NEMP2: variants seen among roughly 807,000 people sequenced by gnomAD.
NEMP2 encodes UPF0571 transmembrane protein.
Under a neutral mutation model 54.2 loss-of-function variants are expected in NEMP2, and 53 were observed. The observed-to-expected ratio is 0.98, with a 90% CI of 0.78 to 1.23. The LOEUF (loss-of-function observed/expected upper bound fraction) is 1.23, where lower values mean the gene tolerates loss of function less well. Among genes scored for constraint, NEMP2 ranks in the 50% most tolerant of loss-of-function variants. NEMP2 has a pLI of 0.00. For missense variants in NEMP2, 455 were observed against 511.3 expected (o/e 0.89, Z 1.06); for synonymous variants, 197 against 190.3 (o/e 1.04, Z -0.29).
chr2:190,465,058 T>A, the NEMP2 span: 15 of 316,996 alleles, frequency 4.7e-5, 1 homozygote, highest in Non-Finnish European at 6.9e-5. The surrounding 1 kb of genome is among the most constrained non-coding windows in gnomAD (Gnocchi z 4.6). Flanking sequence ...AATACCAGTT[T>A]TATTATAAGA....
chr2:190,566,368 C>T, the NEMP2 span, among the ~76,000 whole-genome samples: 2 of 152,078 alleles, frequency 1.3e-5, no homozygotes, highest in Non-Finnish European at 2.9e-5. Flanking sequence ...CCTGTAATCC[C>T]AGCACTTTGG....
chr2:190,443,743 T>A, the NEMP2 span, among the ~76,000 whole-genome samples: 9 of 152,338 alleles, frequency 5.9e-5, no homozygotes, highest in Admixed American at 5.2e-4. The surrounding 1 kb of genome is among the most constrained non-coding windows in gnomAD (Gnocchi z 4.2). Flanking sequence ...TTTGCTCTTA[T>A]AAACAAAGGT....
At chr2:190,567,884 C>T in the NEMP2 span, among the ~76,000 whole-genome samples, 13 of 152,166 alleles carry the variant, frequency 8.5e-5, no homozygotes, top group African/African-American at 2.2e-4. This position sits in a 1 kb window ranked among gnomAD's most constrained non-coding sequence, Gnocchi z 4.0. Context: ...CTTGACCTTG[C>T]GATTCGCCCG....
rs890104468 is a variant in NEMP2 at position 190,522,532 on chromosome 2, G to A, written c.213+2731C>T. On this transcript the variant is annotated intron_variant, in intron 2 of 8. Transcript: ENST00000409150. This position sits in a 1 kb window ranked among gnomAD's most constrained non-coding sequence, Gnocchi z 5.0. ...ACTATCTGAATGAAACCCTGTTCTC[G>A]GCCAGGGCACTCCAAAGTTAACCTG... Among the ~76,000 whole-genome samples the A allele has an allele frequency of 1.3e-5, 2 of 151,964 alleles. No individual in the cohort carries two copies. Among genetic ancestry groups the A allele is most frequent in the Non-Finnish European group, 2.9e-5 (2 of 67,996 alleles).
At chr2:190,504,136 AGT>A (rs1393711334), downstream of NEMP2, among the ~76,000 whole-genome samples, 7 of 152,196 alleles carry the variant, frequency 4.6e-5, no homozygotes, top group East Asian at 1.2e-3. The surrounding 1 kb of genome is among the most constrained non-coding windows in gnomAD (Gnocchi z 5.6). Flanking sequence ...CAGCTCTGCC[AGT>A]GAGAACTTAC....
At chr2:190,488,716 CCT>C in the NEMP2 span, 1 of 1,608,302 alleles carries the variant, frequency 6.2e-7, no homozygotes, top group Non-Finnish European at 8.5e-7. This position sits in a 1 kb window ranked among gnomAD's most constrained non-coding sequence, Gnocchi z 6.4. Context: ...AGCCGTTCCC[CCT>C]GAGCTGAGGA....
At chr2:190,596,675 A>T in the NEMP2 span, among the ~76,000 whole-genome samples, 138 of 152,306 alleles carry the variant, frequency 9.1e-4, 1 homozygote, top group Non-Finnish European at 1.4e-3. The surrounding 1 kb of genome is among the most constrained non-coding windows in gnomAD (Gnocchi z 5.1). Flanking sequence ...GGTGAATATT[A>T]TTGGAAGGAA....
rs970707283 is a variant in NEMP2 at position 190,507,737 on chromosome 2, A to G, written c.*1452T>C. ...ACTTCAAAGAGGAACTATCATTTGAAAATCAATCTAGGAAGTTCCAGATGG... is the reference window on the plus strand; with the variant it reads ...ACTTCAAAGAGGAACTATCATTTGAGAATCAATCTAGGAAGTTCCAGATGG... On this transcript the variant is annotated 3_prime_UTR_variant, in exon 9 of 9. Transcript: ENST00000409150. This position sits in a 1 kb window ranked among gnomAD's most constrained non-coding sequence, Gnocchi z 4.4. The G allele has an allele frequency of 6.6e-6, 1 of 152,144 alleles. No homozygotes were observed. The highest frequency in any genetic ancestry group is 6.5e-5 in the Admixed American group (1 of 15,268). 9.4% of individuals were successfully genotyped at this position (152,144 alleles called of 1,614,324 possible).
chr2:190,563,241 C>T, the NEMP2 span, among the ~76,000 whole-genome samples: 6 of 152,208 alleles, frequency 3.9e-5, no homozygotes, highest in Non-Finnish European at 8.8e-5. This position sits in a 1 kb window ranked among gnomAD's most constrained non-coding sequence, Gnocchi z 4.3. Context: ...CCTCCTGCTC[C>T]CCGCTGACTC....
chr2:190,471,561 T>A, the NEMP2 span, among the ~76,000 whole-genome samples: 1 of 152,286 alleles, frequency 6.6e-6, no homozygotes, highest in South Asian at 2.1e-4. The surrounding 1 kb of genome is among the most constrained non-coding windows in gnomAD (Gnocchi z 4.7). Flanking sequence ...CCGCCATTGC[T>A]GAGGCTTGAG....
the NEMP2 span, chr2:190,648,080 T>C: frequency 6.6e-6 from 1 of 152,264 alleles, no homozygotes; most frequent in Non-Finnish European, 1.5e-5. Context: ...AATTCTATAT[T>C]GTGCCTTGGG....
chr2:190,621,681 G>A, the NEMP2 span, among the ~76,000 whole-genome samples: 238 of 152,024 alleles, frequency 1.6e-3, 1 homozygote, highest in African/African-American at 5.6e-3. Context: ...GTGCAGTAGT[G>A]GCATAAGTAT....
At chr2:190,566,355 A>G in the NEMP2 span, among the ~76,000 whole-genome samples, 1 of 152,200 alleles carries the variant, frequency 6.6e-6, no homozygotes, top group African/African-American at 2.4e-5. Flanking sequence ...ACAGTGGATC[A>G]TGCCTGTAAT....
At position 190,532,638 on chromosome 2, in the gene NEMP2, G is replaced by T. The variant is rs559166466; in HGVS notation, c.97+1921C>A. Among the ~76,000 whole-genome samples the T allele has an allele frequency of 7.2e-5, 11 of 152,298 alleles. No homozygotes were observed. The South Asian group carries it at 2.3e-3, about 32-fold the overall frequency. On this transcript the variant is annotated intron_variant, in intron 1 of 8. Coordinates refer to ENST00000409150, the MANE Select transcript of NEMP2 (RefSeq NM_001142645.2). Reference sequence around the variant, plus strand: ...TGGTCTGAATGTTCTCCATTCCATTGAAGTGTGTGTTATTCAAGACAAAAT... The same window carrying T: ...TGGTCTGAATGTTCTCCATTCCATTTAAGTGTGTGTTATTCAAGACAAAAT...
At chr2:190,590,201 T>C in the NEMP2 span, among the ~76,000 whole-genome samples, 2 of 152,224 alleles carry the variant, frequency 1.3e-5, no homozygotes, top group Non-Finnish European at 2.9e-5. The surrounding 1 kb of genome is among the most constrained non-coding windows in gnomAD (Gnocchi z 5.1). Flanking sequence ...CAATGGCAGA[T>C]TGACATTTGA....
At chr2:190,534,773 A>G (rs1691310692), upstream of NEMP2, 2 of 725,674 alleles carry the variant, frequency 2.8e-6, no homozygotes, top group Admixed American at 8.8e-5. Flanking sequence ...CGAACGCGGG[A>G]AAGGCGGAGA....
chr2:190,439,563 G>C, the NEMP2 span, among the ~76,000 whole-genome samples: 27 of 152,194 alleles, frequency 1.8e-4, no homozygotes, highest in African/African-American at 6.3e-4. This position sits in a 1 kb window ranked among gnomAD's most constrained non-coding sequence, Gnocchi z 5.8. Flanking sequence ...ATCCTAGTGG[G>C]TTTACTACTC....
At chr2:190,469,954 A>T in the NEMP2 span, 1 of 784,912 alleles carries the variant, frequency 1.3e-6, no homozygotes. The surrounding 1 kb of genome is among the most constrained non-coding windows in gnomAD (Gnocchi z 5.3). Context: ...AAGGAAGGGC[A>T]GGCCTACTGT....
At chr2:190,588,122 G>A in the NEMP2 span, among the ~76,000 whole-genome samples, 1 of 152,106 alleles carries the variant, frequency 6.6e-6, no homozygotes, top group Admixed American at 6.6e-5. The surrounding 1 kb of genome is among the most constrained non-coding windows in gnomAD (Gnocchi z 5.0). Context: ...AATCTCTAAC[G>A]CAGATCTTAA....
Sources: allele counts gnomAD v4.1 joint callset (sites outside exome capture counted in the v4.1 genomes callset), GRCh38; gene constraint gnomAD v4.1.1; non-coding constraint Gnocchi (gnomAD v3.1); transcripts MANE v1.5; gene names NCBI Gene and HGNC (gene_info 2026-07-23, HGNC 2026-07-21).